LY6K: variants seen among roughly 807,000 people sequenced by gnomAD.
LY6K encodes the protein lymphocyte antigen 6K.
In LY6K, 9 loss-of-function variants were observed where a neutral mutation model predicts 10.4. That is an observed-to-expected ratio of 0.87 (90% CI 0.52 to 1.52). LY6K has a LOEUF of 1.52. Ranked by LOEUF, LY6K falls within the 40% of genes most tolerant of loss-of-function variation. LY6K has a pLI of 0.00. For missense variants in LY6K, 217 were observed against 211.7 expected, an observed-to-expected ratio of 1.02 and a Z score of -0.15; for synonymous variants, 98 against 83.7, an observed-to-expected ratio of 1.17 and a Z score of -0.94.
rs1179147784 is a variant in LY6K, at chr8:142,700,693, G to T, written c.103+63G>T. On this transcript the variant is annotated intron_variant, in intron 1 of 2. Coordinates refer to ENST00000292430, the MANE Select transcript of LY6K (RefSeq NM_017527.4). Reference sequence around the variant, plus strand: ...GGACAGGGCCGGGCGGCGTCTGCCTGGCACCGCGTGGCCACCGCCCCGACC... The same window carrying T: ...GGACAGGGCCGGGCGGCGTCTGCCTTGCACCGCGTGGCCACCGCCCCGACC... 3 of 1,359,384 alleles carry T rather than the reference G, an allele frequency of 2.2e-6. No individual in the cohort carries two copies. In the African/African-American group the frequency reaches 4.7e-5, roughly 21 times the overall value. 84.2% of individuals were successfully genotyped at this position (1,359,384 alleles called of 1,614,324 possible).
Position 142,700,517 on chromosome 8 carries a change from C to T in LY6K, c.-11C>T, listed in dbSNP as rs782589988. 69 of 1,570,716 alleles carry T rather than the reference C, an allele frequency of 4.4e-5. No individual in the cohort carries two copies. Among genetic ancestry groups the T allele is most frequent in the Non-Finnish European group, 5.7e-5 (66 of 1,161,140 alleles). On this transcript the variant is annotated 5_prime_UTR_variant, in exon 1 of 3. Transcript: ENST00000292430. Reference sequence around the variant, plus strand: ...CCGCGCGCTGACCCTCCCTGGGCACCGCTGGGGACGATGGCGCTGCTCGCC... The same window carrying T: ...CCGCGCGCTGACCCTCCCTGGGCACTGCTGGGGACGATGGCGCTGCTCGCC...
rs1684891123 is a variant in LY6K, at chr8:142,704,189, A to G, written c.*818A>G. ...GAAAAAATTGAATTAAAAGATAAAA[A>G]TTAAAAAATGTTTTATTTCTCAGCA... On this transcript the variant is annotated 3_prime_UTR_variant, in exon 3 of 3. Coordinates refer to ENST00000292430, the MANE Select transcript of LY6K (RefSeq NM_017527.4). The G allele has an allele frequency of 6.6e-6, 1 of 152,196 alleles. No individual in the cohort carries two copies. Among genetic ancestry groups the G allele is most frequent in the Non-Finnish European group, 1.5e-5 (1 of 68,022 alleles). 9.4% of individuals were successfully genotyped at this position (152,196 alleles called of 1,614,324 possible).
chr8:142,702,530 C>T, intron 2 of LY6K: 1 of 1,535,726 alleles, frequency 6.5e-7, no homozygotes, highest in Non-Finnish European at 8.7e-7. Context: ...AATTCTGATT[C>T]CGCCCAGCAG....
rs1255392098 is a variant in LY6K, at chr8:142,703,525, C to G, written c.*154C>G. On this transcript the variant is annotated 3_prime_UTR_variant, in exon 3 of 3. Coordinates refer to ENST00000292430, the MANE Select transcript of LY6K (RefSeq NM_017527.4). ...GAGTGGGGATCAGGTGCAGTTGGCTCTTAACCCTCAAGGGTTCTTTAACTC... is the reference window on the plus strand; with the variant it reads ...GAGTGGGGATCAGGTGCAGTTGGCTGTTAACCCTCAAGGGTTCTTTAACTC... The G allele has an allele frequency of 3.5e-6, 3 of 853,476 alleles. No homozygotes were observed. Among genetic ancestry groups the G allele is most frequent in the South Asian group, 1.9e-5 (1 of 53,856 alleles). 52.9% of individuals were successfully genotyped at this position (853,476 alleles called of 1,614,324 possible). A position where few individuals can be genotyped will look rare whatever the true frequency, so the allele number is the denominator to read the frequency against.
rs1298691321 is a variant in LY6K at position 142,700,263 on chromosome 8, G to T, written c.-265G>T. ...CGCCTTTCCCAGGGCTCCCGCGCCC[G>T]TTCCTGCCTGGCCGCCGGCCGCTCC... On this transcript the variant is annotated 5_prime_UTR_variant, in exon 1 of 3. Coordinates refer to ENST00000292430, the MANE Select transcript of LY6K (RefSeq NM_017527.4). 1.7e-6 allele frequency: 2 copies of T among 1,143,724 alleles called. No homozygotes were observed. The highest frequency in any genetic ancestry group is 2.2e-6 in the Non-Finnish European group (2 of 913,310). The allele number at this position is 1,143,724 out of a possible 1,614,324, so 70.8% of individuals were successfully genotyped here.
In LY6K at chr8:142,700,242, T is replaced by G. The variant is rs1293696050; in HGVS notation, c.-286T>G. 1 of 980,244 alleles carries G rather than the reference T, an allele frequency of 1.0e-6. No homozygotes were observed. The allele number at this position is 980,244 out of a possible 1,614,324, so 60.7% of individuals were successfully genotyped here. On this transcript the variant is annotated 5_prime_UTR_variant, in exon 1 of 3. Transcript: ENST00000292430. ...CAGGGGCTGCGTTTCCACACGCGCC[T>G]TTCCCAGGGCTCCCGCGCCCGTTCC... is the stretch of plus-strand genomic sequence containing the variant.
chr8:142,703,564 G>A lies in LY6K; in HGVS notation c.*193G>A. 1.6e-6 allele frequency: 1 copy of A among 615,208 alleles called. No homozygotes were observed. The highest frequency in any genetic ancestry group is 2.3e-5 in the South Asian group (1 of 43,126). 38.1% of individuals were successfully genotyped at this position (615,208 alleles called of 1,614,324 possible). A position where few individuals can be genotyped will look rare whatever the true frequency, so the allele number is the denominator to read the frequency against. On this transcript the variant is annotated 3_prime_UTR_variant, in exon 3 of 3. Coordinates refer to ENST00000292430, the MANE Select transcript of LY6K (RefSeq NM_017527.4). ...GTTCTTTAACTCACATTCAGAGGAA[G>A]TCCAGATCTCCTGAGTAGTGATTTT...
chr8:142,700,771 G>A, intron 1 of LY6K, 141 bp downstream of exon 1: 2 of 909,266 alleles, frequency 2.2e-6, no homozygotes, highest in Non-Finnish European at 3.0e-6. Flanking sequence ...AAGCCTCTGG[G>A]GAGCCTCGCC....
intron 2 of LY6K, chr8:142,702,796 G>C: frequency 6.7e-7 from 1 of 1,494,204 alleles, no homozygotes; most frequent in African/African-American, 1.4e-5. Flanking sequence ...ACAAAGGCCT[G>C]AGCCAACCCT....
intron 1 of LY6K, among the ~76,000 whole-genome samples, 175 bp downstream of exon 1, chr8:142,700,805 C>T (rs1319487805): frequency 6.6e-6 from 1 of 152,080 alleles, no homozygotes; most frequent in East Asian, 1.9e-4. Flanking sequence ...ACCAGGGCGG[C>T]GGGGCAGCCT....
In LY6K at chr8:142,704,583, C is replaced by G. The variant is rs1353740672; in HGVS notation, c.*1212C>G. 6.6e-6 allele frequency: 1 copy of G among 152,188 alleles called. No individual in the cohort carries two copies. The highest frequency in any genetic ancestry group is 1.5e-5 in the Non-Finnish European group (1 of 68,042). 9.4% of individuals were successfully genotyped at this position (152,188 alleles called of 1,614,324 possible). A position where few individuals can be genotyped will look rare whatever the true frequency, so the allele number is the denominator to read the frequency against. On this transcript the variant is annotated 3_prime_UTR_variant, in exon 3 of 3. Coordinates refer to ENST00000292430, the MANE Select transcript of LY6K (RefSeq NM_017527.4). ...TTGGCTGACTTTCTCTATACACTCT[C>G]ATAATAAGATGTTACTGTTCTTTGG...
rs587616252 is a variant in LY6K, at chr8:142,700,733, G to A, written c.103+103G>A. The A allele has an allele frequency of 2.9e-5, 36 of 1,222,642 alleles. No homozygotes were observed. The East Asian group carries it at 1.1e-3, about 37-fold the overall frequency. The allele number at this position is 1,222,642 out of a possible 1,614,324, so 75.7% of individuals were successfully genotyped here. A position where few individuals can be genotyped will look rare whatever the true frequency, so the allele number is the denominator to read the frequency against. ...CCGCCCCGACCAGGCCGTGAGAACGGAGCGTTCAGGCGGCCCGTGGCGCCT... is the reference window on the plus strand; with the variant it reads ...CCGCCCCGACCAGGCCGTGAGAACGAAGCGTTCAGGCGGCCCGTGGCGCCT... On this transcript the variant is annotated intron_variant, in intron 1 of 2. Coordinates refer to ENST00000292430, the MANE Select transcript of LY6K (RefSeq NM_017527.4).
intron 1 of LY6K, among the ~76,000 whole-genome samples, chr8:142,701,017 G>A (rs1332125674): frequency 6.6e-6 from 1 of 151,870 alleles, no homozygotes; most frequent in Non-Finnish European, 1.5e-5. Flanking sequence ...AGGGAGTCGG[G>A]GGGCAGGACC....
chr8:142,700,718 C>A, intron 1 of LY6K, 88 bp downstream of exon 1: 3 of 1,293,038 alleles, frequency 2.3e-6, no homozygotes, highest in Non-Finnish European at 3.0e-6. Flanking sequence ...CCGCCCCGAC[C>A]AGGCCGTGAG....
Position 142,700,417 on chromosome 8 carries a change from G to C in LY6K, c.-111G>C, listed in dbSNP as rs888892914. The C allele has an allele frequency of 2.9e-5, 40 of 1,369,994 alleles. No homozygotes were observed. The highest frequency in any genetic ancestry group is 3.8e-5 in the Non-Finnish European group (40 of 1,063,504). The allele number at this position is 1,369,994 out of a possible 1,614,324, so 84.9% of individuals were successfully genotyped here. On this transcript the variant is annotated 5_prime_UTR_variant, in exon 1 of 3. Transcript: ENST00000292430. Reference sequence around the variant, plus strand: ...GAGGCGCGCGCCCCGGGGCGGGCGGGGCTCCCCCTACCGGCCAGACCCGGG... The same window carrying C: ...GAGGCGCGCGCCCCGGGGCGGGCGGCGCTCCCCCTACCGGCCAGACCCGGG...
chr8:142,702,725 G>T, intron 2 of LY6K: 1 of 1,493,104 alleles, frequency 6.7e-7, no homozygotes. Flanking sequence ...CCACCAAGAG[G>T]CCAGCTCCAC....
intron 2 of LY6K, chr8:142,702,062 GC>G: frequency 3.5e-6 from 1 of 287,734 alleles, no homozygotes; most frequent in South Asian, 4.4e-5. Context: ...CCCGCCCTCG[GC>G]CCCCCAAAGT....
At chr8:142,701,332 C>T (rs1554640091) in intron 1 of LY6K, among the ~76,000 whole-genome samples, 1 of 152,196 alleles carries the variant, frequency 6.6e-6, no homozygotes, top group African/African-American at 2.4e-5. Flanking sequence ...ACAGGCTGTC[C>T]AGGAAGCGTG....
In LY6K at chr8:142,704,282, A is replaced by G. The variant is rs1258492962; in HGVS notation, c.*911A>G. On this transcript the variant is annotated 3_prime_UTR_variant, in exon 3 of 3. Coordinates refer to ENST00000292430, the MANE Select transcript of LY6K (RefSeq NM_017527.4). ...CAGCCATTCAGTTCATCCCTAAAGA[A>G]TTGGGCACCCTGGGAATTTAACCAT... 6.6e-6 allele frequency: 1 copy of G among 152,240 alleles called. No individual in the cohort carries two copies. The highest frequency in any genetic ancestry group is 2.4e-5 in the African/African-American group (1 of 41,462). The allele number at this position is 152,240 out of a possible 1,614,324, so 9.4% of individuals were successfully genotyped here.
Sources: gnomAD v4.1 joint callset for allele counts (sites outside exome capture counted in the v4.1 genomes callset) on GRCh38, gnomAD v4.1.1 for gene constraint, MANE v1.5 for transcripts, NCBI Gene and HGNC (gene_info 2026-07-23, HGNC 2026-07-21) for gene names.